CSMD2: variants seen among roughly 807,000 people sequenced by gnomAD.
The protein encoded by CSMD2 is CUB and Sushi multiple domains 2.
Under a neutral mutation model 398.5 loss-of-function variants are expected in CSMD2, and 130 were observed. The ratio of observed to expected loss-of-function variants is 0.33; its 90% confidence interval spans 0.28 to 0.38. CSMD2 has a LOEUF of 0.38. CSMD2 is among the 10% of genes least tolerant of loss of function. The pLI is 1.00. For synonymous variants in CSMD2, 1,828 were observed against 1,908.5 expected (o/e 0.96, Z 1.10); for missense variants, 3,829 against 4,764.9 (o/e 0.80, Z 5.78).
chr1:34,045,387 C>T (rs1652404884), intron 2 of CSMD2, among the ~76,000 whole-genome samples: 1 of 152,178 alleles, frequency 6.6e-6, no homozygotes, highest in Non-Finnish European at 1.5e-5. Flanking sequence ...CTTGTGCTGT[C>T]TCAAGATCTG....
intron 5 of CSMD2, among the ~76,000 whole-genome samples, chr1:33,909,677 C>T (rs1643339561): frequency 6.6e-6 from 1 of 152,094 alleles, no homozygotes; most frequent in South Asian, 2.1e-4. Flanking sequence ...AGGAGATTTT[C>T]CCTATGAAAG....
At chr1:33,601,880 G>GGCT (rs1208678197) in intron 43 of CSMD2, among the ~76,000 whole-genome samples, 7 of 152,192 alleles carry the variant, frequency 4.6e-5, no homozygotes, top group Admixed American at 4.6e-4. Flanking sequence ...TGTAGCCAGT[G>GGCT]GCTACCATAT....
chr1:34,019,796 C>A (rs892525560), intron 3 of CSMD2, among the ~76,000 whole-genome samples: 1 of 152,186 alleles, frequency 6.6e-6, no homozygotes, highest in Non-Finnish European at 1.5e-5. Flanking sequence ...TGAGCTATTC[C>A]CTGTCCCTCA....
chr1:33,851,944 CT>C (rs2125091264), intron 5 of CSMD2, among the ~76,000 whole-genome samples: 1 of 152,230 alleles, frequency 6.6e-6, no homozygotes, highest in East Asian at 1.9e-4. Flanking sequence ...CCAGCAGTGC[CT>C]GCCCACCCTG....
At chr1:34,061,412 C>T (rs1392042279) in intron 2 of CSMD2, among the ~76,000 whole-genome samples, 3 of 152,144 alleles carry the variant, frequency 2.0e-5, no homozygotes, top group Non-Finnish European at 4.4e-5. Flanking sequence ...GGACACAGGG[C>T]ACCAAGGCTG....
chr1:33,904,405 T>G (rs1367045616), intron 5 of CSMD2, among the ~76,000 whole-genome samples: 1 of 152,128 alleles, frequency 6.6e-6, no homozygotes, highest in Non-Finnish European at 1.5e-5. Context: ...ATAAACAAAA[T>G]GTGGTTTAGA....
chr1:33,764,946 A>G (rs1650299925), intron 13 of CSMD2, among the ~76,000 whole-genome samples: 1 of 152,244 alleles, frequency 6.6e-6, no homozygotes, highest in Admixed American at 6.5e-5. Context: ...CATTGAGGTC[A>G]GGGTGGGAGG....
intron 1 of CSMD2, among the ~76,000 whole-genome samples, chr1:34,111,863 G>T (rs977855308): frequency 6.6e-6 from 1 of 152,142 alleles, no homozygotes. Context: ...GAGCTAAGAA[G>T]CTTTTCTCAA....
intron 25 of CSMD2, among the ~76,000 whole-genome samples, chr1:33,686,816 C>T (rs1488263458): frequency 6.6e-6 from 1 of 152,246 alleles, no homozygotes; most frequent in Non-Finnish European, 1.5e-5. Context: ...ACCTAGCACA[C>T]ATGCTCCCAC....
intron 3 of CSMD2, among the ~76,000 whole-genome samples, chr1:34,000,117 A>C (rs1458664541): frequency 2.6e-5 from 4 of 152,278 alleles, no homozygotes; most frequent in African/African-American, 9.6e-5. Flanking sequence ...ACGTGAATCT[A>C]AACAAGAAGT....
intron 5 of CSMD2, chr1:33,884,856 CAGAGCCCT>C (rs1405363297): frequency 1.3e-5 from 2 of 152,334 alleles, no homozygotes; most frequent in Non-Finnish European, 2.9e-5. Context: ...CCCCTTTGTC[CAGAGCCCT>C]AGGCTGACCA....
intron 15 of CSMD2, among the ~76,000 whole-genome samples, chr1:33,738,442 G>A (rs1263333858): frequency 7.2e-5 from 11 of 152,136 alleles, no homozygotes; most frequent in Admixed American, 6.5e-4. Flanking sequence ...ACCATGCTTG[G>A]TACACAAATT....
At chr1:33,625,538 C>T (rs1031828105) in intron 33 of CSMD2, among the ~76,000 whole-genome samples, 6 of 152,188 alleles carry the variant, frequency 3.9e-5, no homozygotes, top group African/African-American at 1.2e-4. Context: ...TTCCCAACGA[C>T]GCCCCTCACT....
At chr1:34,165,313 G>A, upstream of CSMD2, 5 of 1,198,046 alleles carry the variant, frequency 4.2e-6, no homozygotes, top group Non-Finnish European at 5.2e-6. Flanking sequence ...CGGGGTTCGC[G>A]CCGGGGGGCG....
chr1:33,641,978 T>G (rs1210128689), intron 29 of CSMD2, among the ~76,000 whole-genome samples: 1 of 152,208 alleles, frequency 6.6e-6, no homozygotes, highest in Non-Finnish European at 1.5e-5. Context: ...TGCTGCTCAG[T>G]GGACACTTGA....
At chr1:34,079,544 T>C (rs1220616543) in intron 2 of CSMD2, among the ~76,000 whole-genome samples, 2 of 152,230 alleles carry the variant, frequency 1.3e-5, no homozygotes, top group African/African-American at 4.8e-5. Context: ...AAACTCTGCC[T>C]TGCCTGACCC....
rs144359847 is a variant in CSMD2 at position 33,622,443 on chromosome 1, G to A, written c.5723-172C>T. ...AAATTAGCACTCCTCAGAGGGCTAGGTCTCTACTGGCTGAGGGAGGGGAAA... is the reference window on the plus strand; with the variant it reads ...AAATTAGCACTCCTCAGAGGGCTAGATCTCTACTGGCTGAGGGAGGGGAAA... On this transcript the variant is annotated intron_variant, in intron 36 of 70. Transcript: ENST00000373381. Among the ~76,000 whole-genome samples, 15 of 152,292 alleles carry A rather than the reference G, an allele frequency of 9.8e-5. No individual in the cohort carries two copies. The East Asian group carries it at 1.7e-3, about 18-fold the overall frequency.
At chr1:33,853,830 A>G (rs1638884135) in intron 5 of CSMD2, among the ~76,000 whole-genome samples, 1 of 152,256 alleles carries the variant, frequency 6.6e-6, no homozygotes, top group African/African-American at 2.4e-5. Context: ...ATGAACAAAC[A>G]GCAGTAGCTT....
chr1:34,030,357 C>G (rs76371114), intron 3 of CSMD2, among the ~76,000 whole-genome samples: 2 of 152,160 alleles, frequency 1.3e-5, no homozygotes, highest in African/African-American at 4.8e-5. Flanking sequence ...CACAATAGCT[C>G]AACTCTGCAG....
Sources: gnomAD v4.1 joint callset for allele counts (sites outside exome capture counted in the v4.1 genomes callset) on GRCh38, gnomAD v4.1.1 for gene constraint, MANE v1.5 for transcripts, NCBI Gene and HGNC (gene_info 2026-07-23, HGNC 2026-07-21) for gene names.